Variants in SCNN1B observed in about 807,000 individuals in gnomAD.
The protein encoded by SCNN1B is epithelial sodium channel subunit beta.
SCNN1B carries 46 observed loss-of-function variants against 65.3 expected under a neutral mutation model. That is an observed-to-expected ratio of 0.70 (90% CI 0.56 to 0.90). The LOEUF (loss-of-function observed/expected upper bound fraction) is 0.90. SCNN1B is among the 40% of genes least tolerant of loss of function. The probability of loss-of-function intolerance (pLI) is 0.00; values close to 1 mark genes in which losing one functional copy is unlikely to be tolerated. For synonymous variants in SCNN1B, 349 were observed against 330.6 expected, an observed-to-expected ratio of 1.06 and a Z score of -0.60; for missense variants, 751 against 830.5, an observed-to-expected ratio of 0.90 and a Z score of 1.18.
chr16:23,372,029 G>A (rs1596883468), intron 7 of SCNN1B, 146 bp downstream of exon 7: 1 of 707,822 alleles, frequency 1.4e-6, no homozygotes, highest in Non-Finnish European at 2.6e-6. Context: ...GGGCCTGTGG[G>A]ACCAGTCACT....
chr16:23,319,769 T>G (rs902048318), intron 1 of SCNN1B, among the ~76,000 whole-genome samples: 1 of 151,788 alleles, frequency 6.6e-6, no homozygotes, highest in Non-Finnish European at 1.5e-5. Context: ...AAATGTTTTA[T>G]TTTTTGTTTT....
intron 1 of SCNN1B, among the ~76,000 whole-genome samples, chr16:23,308,522 C>G (rs1337846903): frequency 1.3e-5 from 2 of 152,186 alleles, no homozygotes; most frequent in Non-Finnish European, 2.9e-5. Context: ...GGCCCTGTCT[C>G]TAAAAAACAG....
intron 4 of SCNN1B, among the ~76,000 whole-genome samples, chr16:23,356,752 T>C (rs1181401524): frequency 1.3e-5 from 2 of 152,218 alleles, no homozygotes; most frequent in African/African-American, 2.4e-5. Context: ...CCTGGAGGTC[T>C]AGGTCTTCTT....
In SCNN1B at chr16:23,336,622, G is replaced by A. The variant is rs549933745; in HGVS notation, c.-8-11970G>A. Among the ~76,000 whole-genome samples the A allele has an allele frequency of 5.3e-5, 8 of 151,986 alleles. No individual in the cohort carries two copies. The East Asian group carries it at 5.8e-4, about 11-fold the overall frequency. ...CTTGACCTCATGATCTGCCCACCTC[G>A]GCCTCCCAAAGTGCTGGGATTACAG... On this transcript the variant is annotated intron_variant, in intron 1 of 12. Transcript: ENST00000343070.
At chr16:23,356,565 A>G (rs1485274145) in intron 4 of SCNN1B, among the ~76,000 whole-genome samples, 1 of 152,030 alleles carries the variant, frequency 6.6e-6, no homozygotes. Flanking sequence ...TCGAAGCTAC[A>G]GTGAGCCATG....
chr16:23,331,198 T>C (rs78219183), intron 1 of SCNN1B, among the ~76,000 whole-genome samples: 1 of 152,190 alleles, frequency 6.6e-6, no homozygotes, highest in Non-Finnish European at 1.5e-5. Flanking sequence ...CCTGTCAGAA[T>C]CACTCCCTTC....
chr16:23,361,639 ACT>A (rs1159160345), intron 4 of SCNN1B, among the ~76,000 whole-genome samples: 2 of 151,844 alleles, frequency 1.3e-5, no homozygotes, highest in Non-Finnish European at 2.9e-5. Context: ...AGCTTTGGCC[ACT>A]CTGTCAGTTA....
At chr16:23,365,801 T>C (rs973746058) in intron 4 of SCNN1B, among the ~76,000 whole-genome samples, 1 of 152,172 alleles carries the variant, frequency 6.6e-6, no homozygotes, top group African/African-American at 2.4e-5. Context: ...TGCTTCCCCT[T>C]GCACCGTTGA....
intron 1 of SCNN1B, among the ~76,000 whole-genome samples, chr16:23,329,232 C>A (rs1237928727): frequency 2.0e-5 from 3 of 152,136 alleles, no homozygotes; most frequent in African/African-American, 7.2e-5. Flanking sequence ...TCACCTCAGC[C>A]TCCTGAGTAG....
intron 1 of SCNN1B, among the ~76,000 whole-genome samples, chr16:23,302,982 C>T (rs1961118111): frequency 6.6e-6 from 1 of 152,088 alleles, no homozygotes; most frequent in African/African-American, 2.4e-5. Flanking sequence ...CCAGGCAGTC[C>T]GACCCTGGAG....
chr16:23,328,342 A>G (rs1961739836), intron 1 of SCNN1B, among the ~76,000 whole-genome samples: 1 of 152,222 alleles, frequency 6.6e-6, no homozygotes. Flanking sequence ...TAAGTAAAAA[A>G]CAAGAGTGAG....
intron 4 of SCNN1B, among the ~76,000 whole-genome samples, chr16:23,366,482 G>A (rs547758848): frequency 2.0e-5 from 3 of 151,762 alleles, no homozygotes; most frequent in Admixed American, 6.6e-5. Context: ...GCCTGTAATC[G>A]CAGCACTTTG....
chr16:23,361,758 A>G (rs1962557755), intron 4 of SCNN1B, among the ~76,000 whole-genome samples: 1 of 151,784 alleles, frequency 6.6e-6, no homozygotes, highest in Non-Finnish European at 1.5e-5. Flanking sequence ...ATTTCTCTAA[A>G]GAGCTCTGTT....
At chr16:23,300,199 A>G (rs1292974316), upstream of SCNN1B, among the ~76,000 whole-genome samples, 1 of 152,106 alleles carries the variant, frequency 6.6e-6, no homozygotes, top group African/African-American at 2.4e-5. Context: ...CAGGGGGTGG[A>G]GGGCTAGGGG....
chr16:23,321,688 CG>C (rs1407516162), intron 1 of SCNN1B, among the ~76,000 whole-genome samples: 1 of 152,148 alleles, frequency 6.6e-6, no homozygotes, highest in East Asian at 1.9e-4. Context: ...GTTCCTGGCA[CG>C]TTAGGTACTC....
chr16:23,353,349 G>C, intron 3 of SCNN1B: 1 of 505,364 alleles, frequency 2.0e-6, no homozygotes, highest in East Asian at 3.7e-5. Flanking sequence ...ACTGCATTCA[G>C]GCAAGGCTGG....
intron 1 of SCNN1B, among the ~76,000 whole-genome samples, chr16:23,312,334 C>T (rs1961362720): frequency 6.6e-6 from 1 of 152,126 alleles, no homozygotes; most frequent in Non-Finnish European, 1.5e-5. Flanking sequence ...TGTACCAGGA[C>T]AGGCTGTTTG....
intron 1 of SCNN1B, among the ~76,000 whole-genome samples, chr16:23,281,112 G>A (rs567708833): frequency 1.3e-5 from 2 of 152,306 alleles, no homozygotes; most frequent in African/African-American, 4.8e-5. Context: ...AAAATGGGAA[G>A]AACAGTAATA....
chr16:23,283,771 T>G (rs547781003), exon 2 of SCNN1B: 1 of 152,318 alleles, frequency 6.6e-6, no homozygotes, highest in Non-Finnish European at 1.5e-5. Context: ...GAAGCAATCC[T>G]GGACTCAGCA....
Sources: gnomAD v4.1 joint callset for allele counts (sites outside exome capture counted in the v4.1 genomes callset) on GRCh38, gnomAD v4.1.1 for gene constraint, MANE v1.5 for transcripts, NCBI Gene and HGNC (gene_info 2026-07-23, HGNC 2026-07-21) for gene names.